ZCCHC7: variants seen among roughly 807,000 people sequenced by gnomAD.
ZCCHC7 encodes zinc finger CCHC-type containing 7.
ZCCHC7 carries 35 observed loss-of-function variants against 52.0 expected under a neutral mutation model. That is an observed-to-expected ratio of 0.67 (90% confidence interval 0.51 to 0.89). ZCCHC7 has a LOEUF of 0.89. Ranked by LOEUF, ZCCHC7 falls within the 40% of genes least tolerant of loss-of-function variation. The pLI is 0.00. For missense variants in ZCCHC7, 574 were observed against 649.1 expected (o/e 0.88, Z 1.26); for synonymous variants, 217 against 221.5 (o/e 0.98, Z 0.18).
chr9:37,135,102 G>C (rs1019253907), intron 2 of ZCCHC7, among the ~76,000 whole-genome samples: 29 of 152,044 alleles, frequency 1.9e-4, no homozygotes, highest in African/African-American at 7.0e-4. Flanking sequence ...CGTATATCCT[G>C]GCGATCAATC....
At chr9:37,244,746 T>C (rs1460706374) in intron 2 of ZCCHC7, among the ~76,000 whole-genome samples, 2 of 151,922 alleles carry the variant, frequency 1.3e-5, no homozygotes, top group East Asian at 3.9e-4. Context: ...CCATGATTGA[T>C]CAGTGAGGGC....
intron 2 of ZCCHC7, among the ~76,000 whole-genome samples, chr9:37,295,443 T>A (rs2133658145): frequency 6.6e-6 from 1 of 152,324 alleles, no homozygotes; most frequent in Non-Finnish European, 1.5e-5. Flanking sequence ...GTATTCACAT[T>A]TATATTTTAG....
At chr9:37,184,030 T>C (rs1310663193) in intron 2 of ZCCHC7, among the ~76,000 whole-genome samples, 2 of 152,314 alleles carry the variant, frequency 1.3e-5, no homozygotes, top group African/African-American at 4.8e-5. Context: ...TGTGTTTGTA[T>C]TGTAATTGTG....
At chr9:37,212,682 A>G (rs1057466812) in intron 2 of ZCCHC7, among the ~76,000 whole-genome samples, 1 of 152,166 alleles carries the variant, frequency 6.6e-6, no homozygotes. Context: ...ACCTTGTTGG[A>G]TGAATTGCTT....
chr9:37,305,504 T>C (rs780360392), intron 4 of ZCCHC7, 40 bp from the exon 5 acceptor site: 2 of 1,608,900 alleles, frequency 1.2e-6, no homozygotes, highest in African/African-American at 2.7e-5. Flanking sequence ...TCTTCTACCT[T>C]TTGAGACTGA....
chr9:37,175,312 G>A (rs2133009453), intron 2 of ZCCHC7, among the ~76,000 whole-genome samples: 1 of 152,142 alleles, frequency 6.6e-6, no homozygotes, highest in Non-Finnish European at 1.5e-5. Flanking sequence ...TCCAAACTGA[G>A]GACTGATGTT....
At chr9:37,295,753 A>G (rs890494663) in intron 2 of ZCCHC7, among the ~76,000 whole-genome samples, 2 of 152,200 alleles carry the variant, frequency 1.3e-5, no homozygotes, top group Non-Finnish European at 2.9e-5. Context: ...ATTTTAGTGA[A>G]TATGAGTTTG....
At chr9:37,180,383 G>A (rs915479038) in intron 2 of ZCCHC7, among the ~76,000 whole-genome samples, 6 of 151,916 alleles carry the variant, frequency 3.9e-5, no homozygotes, top group Admixed American at 6.6e-5. Context: ...AAGTAAAACT[G>A]GGTTAAAAAA....
intron 2 of ZCCHC7, among the ~76,000 whole-genome samples, chr9:37,175,400 A>C (rs1821963871): frequency 6.6e-6 from 1 of 151,822 alleles, no homozygotes; most frequent in South Asian, 2.1e-4. Flanking sequence ...CTCATCTCTA[A>C]TAGAAGTTCT....
intron 2 of ZCCHC7, among the ~76,000 whole-genome samples, chr9:37,296,372 A>T (rs570349364): frequency 6.6e-6 from 1 of 152,340 alleles, no homozygotes; most frequent in Non-Finnish European, 1.5e-5. Flanking sequence ...CCAAATACTT[A>T]AGTTAACTGG....
At chr9:37,298,095 A>G (rs2133675163) in intron 2 of ZCCHC7, among the ~76,000 whole-genome samples, 1 of 152,368 alleles carries the variant, frequency 6.6e-6, no homozygotes, top group East Asian at 1.9e-4. Context: ...TAGTGTAAGC[A>G]TAATGGACAG....
At chr9:37,311,440 C>T (rs532856741) in intron 5 of ZCCHC7, among the ~76,000 whole-genome samples, 2 of 152,076 alleles carry the variant, frequency 1.3e-5, no homozygotes, top group African/African-American at 4.8e-5. Flanking sequence ...ATCTTTGAAA[C>T]AGAGTCTCAC....
intron 6 of ZCCHC7, among the ~76,000 whole-genome samples, chr9:37,333,169 T>C (rs1830516690): frequency 6.6e-6 from 1 of 151,644 alleles, no homozygotes; most frequent in South Asian, 2.1e-4. Flanking sequence ...GTAATCCTAA[T>C]GTAGATTTAA....
chr9:37,128,597 T>C (rs1405134680), intron 2 of ZCCHC7, among the ~76,000 whole-genome samples: 1 of 152,206 alleles, frequency 6.6e-6, no homozygotes, highest in Admixed American at 6.5e-5. Context: ...AATCACAACA[T>C]TGATATGTGA....
In ZCCHC7 at chr9:37,357,424, G is replaced by A; in HGVS notation, c.*156G>A. 1.6e-6 allele frequency: 1 copy of A among 608,240 alleles called. No individual in the cohort carries two copies. Among genetic ancestry groups the A allele is most frequent in the Non-Finnish European group, 2.6e-6 (1 of 380,880 alleles). 37.7% of individuals were successfully genotyped at this position (608,240 alleles called of 1,614,324 possible). A position where few individuals can be genotyped will look rare whatever the true frequency, so the allele number is the denominator to read the frequency against. ...ATTCCTAGAGTTACTGAATATCCATGGAGATCTCAATTCTCTGTGTCCAAC... is the reference window on the plus strand; with the variant it reads ...ATTCCTAGAGTTACTGAATATCCATAGAGATCTCAATTCTCTGTGTCCAAC... On this transcript the variant is annotated 3_prime_UTR_variant, in exon 9 of 9. Coordinates refer to ENST00000336755, the MANE Select transcript of ZCCHC7 (RefSeq NM_032226.3).
intron 7 of ZCCHC7, among the ~76,000 whole-genome samples, chr9:37,353,323 A>G (rs967693872): frequency 2.6e-5 from 4 of 152,186 alleles, no homozygotes; most frequent in Non-Finnish European, 5.9e-5. Context: ...TTGGGATGCC[A>G]AGTTGGAAGG....
At position 37,164,373 on chromosome 9, in the gene ZCCHC7, A is replaced by T. The variant is rs924632598; in HGVS notation, c.610+37431A>T. Among the ~76,000 whole-genome samples the T allele has an allele frequency of 4.7e-5, 7 of 150,382 alleles. No individual in the cohort carries two copies. The East Asian group carries it at 1.4e-3, about 30-fold the overall frequency. On this transcript the variant is annotated intron_variant, in intron 2 of 8. Coordinates refer to ENST00000336755, the MANE Select transcript of ZCCHC7 (RefSeq NM_032226.3). ...GGCACAAGAATCACTTGAACCCAGGAGGCGGAAGTTGCAGTGAGCCGAGAT... is the reference window on the plus strand; with the variant it reads ...GGCACAAGAATCACTTGAACCCAGGTGGCGGAAGTTGCAGTGAGCCGAGAT...
At chr9:37,292,496 A>G (rs1005508981) in intron 2 of ZCCHC7, among the ~76,000 whole-genome samples, 1 of 152,218 alleles carries the variant, frequency 6.6e-6, no homozygotes, top group Non-Finnish European at 1.5e-5. Context: ...TAGTCATTAT[A>G]TAAATTGAAT....
chr9:37,148,306 T>G (rs1278900665), intron 2 of ZCCHC7, among the ~76,000 whole-genome samples: 1 of 152,050 alleles, frequency 6.6e-6, no homozygotes, highest in Non-Finnish European at 1.5e-5. Context: ...ATCCTATGGC[T>G]TAATAGAAGA....
Sources: gnomAD v4.1 joint callset for allele counts (sites outside exome capture counted in the v4.1 genomes callset) on GRCh38, gnomAD v4.1.1 for gene constraint, MANE v1.5 for transcripts, NCBI Gene and HGNC (gene_info 2026-07-23, HGNC 2026-07-21) for gene names.